The following ZNF628 variants were observed in gnomAD, a reference collection of about 807,000 sequenced individuals.
ZNF628 encodes the protein zinc finger protein Zec.
ZNF628 carries 3 observed loss-of-function variants against 2.5 expected under a neutral mutation model. The observed-to-expected ratio is 1.19, with a 90% CI of 0.54 to 3.07. The LOEUF is 3.07. Ranked by LOEUF, ZNF628 falls within the 30% of genes most tolerant of loss-of-function variation. ZNF628 has a pLI of 0.03. For synonymous variants in ZNF628, 861 were observed against 717.1 expected, an observed-to-expected ratio of 1.20 and a Z score of -3.21; for missense variants, 1,610 against 1,517.1, an observed-to-expected ratio of 1.06 and a Z score of -1.02.
chr19:55,477,369 T>C (rs1398194251), intron 1 of ZNF628, among the ~76,000 whole-genome samples: 1 of 152,010 alleles, frequency 6.6e-6, no homozygotes, highest in African/African-American at 2.4e-5. Context: ...TTTTTTTTTT[T>C]TTTTTTCTGG....
Position 55,484,070 on chromosome 19 carries a change from T to C in ZNF628, c.2877T>C (p.Pro959=), listed in dbSNP as rs778325218. The change falls in exon 3 of 3, where the codon CCT becomes CCC. Residue 959 remains proline (P), a synonymous_variant. Transcript: ENST00000598519. The part of the protein sequence containing the change: ...LCVQEVETLP[P]GLTEPPATGP... ...TACAGGAGGTAGAAACACTTCCTCC[T>C]GGGCTGACGGAGCCGCCTGCCACCG... 20 of 1,593,064 alleles carry C rather than the reference T, an allele frequency of 1.3e-5. No homozygotes were observed. Among genetic ancestry groups the C allele is most frequent in the African/African-American group, 2.7e-5 (2 of 74,370 alleles).
chr19:55,484,012 G>A lies in ZNF628; in HGVS notation c.2819G>A (p.Ser940Asn). 1 of 1,592,152 alleles carries A rather than the reference G, an allele frequency of 6.3e-7. No individual in the cohort carries two copies. The highest frequency in any genetic ancestry group is 8.6e-7 in the Non-Finnish European group (1 of 1,168,642). The change falls in exon 3 of 3, where the codon AGC becomes AAC. Residue 940 changes from serine (S) to asparagine (N), a missense_variant. Transcript: ENST00000598519. The part of the protein sequence containing the change: ...DEGLQSVLVL[S>N]GADGEQTRLC... ...GGCTTGCAGAGCGTGCTGGTGCTGA[G>A]CGGGGCCGATGGCGAACAGACTCGA...
At position 55,481,975 on chromosome 19, in the gene ZNF628, AGCCCCACAGCCCGCCCGCGCCTCCC is replaced by A; in HGVS notation, c.788_812del (p.His263ArgfsTer156). 6.9e-7 allele frequency: 1 copy of A among 1,452,134 alleles called. No individual in the cohort carries two copies. Among genetic ancestry groups the A allele is most frequent in the Non-Finnish European group, 9.0e-7 (1 of 1,109,924 alleles). The allele number at this position is 1,452,134 out of a possible 1,614,324, so 90.0% of individuals were successfully genotyped here. A position where few individuals can be genotyped will look rare whatever the true frequency, so the allele number is the denominator to read the frequency against. Reference sequence around the variant, plus strand: ...GACGCCTACCTGCAGCGGCACCTCCAGCCCCACAGCCCGCCCGCGCCTCCCGCCCCGCCGCCCCCGCCCCCGCCCG... The same window carrying A: ...GACGCCTACCTGCAGCGGCACCTCCAGCCCCGCCGCCCCCGCCCCCGCCCG... On this transcript the variant is annotated frameshift_variant, in exon 3 of 3. Coordinates refer to ENST00000598519, the MANE Select transcript of ZNF628 (RefSeq NM_033113.3). LOFTEE classifies it low-confidence loss of function (END_TRUNC).
chr19:55,480,683 AG>A (rs1166543532), intron 2 of ZNF628, among the ~76,000 whole-genome samples: 1 of 152,168 alleles, frequency 6.6e-6, no homozygotes, highest in African/African-American at 2.4e-5. Flanking sequence ...AGCCTCTCAA[AG>A]TGCTGGGATT....
At position 55,483,594 on chromosome 19, in the gene ZNF628, G is replaced by T; in HGVS notation, c.2401G>T (p.Val801Phe). 3.1e-6 allele frequency: 5 copies of T among 1,612,778 alleles called. No individual in the cohort carries two copies. The highest frequency in any genetic ancestry group is 3.4e-6 in the Non-Finnish European group (4 of 1,179,488). Residue 801 changes from valine (V) to phenylalanine (F), a missense_variant, in exon 3 of 3, where the codon GTT becomes TTT. Physicochemically the swap from Val to Phe is conservative, Grantham distance 50. Around this residue, in one of 5 missense-constraint regions of ZNF628, gnomAD observed 712 missense variants for 603.6 expected, o/e 1.18. Coordinates refer to ENST00000598519, the MANE Select transcript of ZNF628 (RefSeq NM_033113.3). ...CAGCGGGACAGGGCAGAGCCTCATC[G>T]TTCTGCAGAATGTGGGGGGTGGGGA... Reference protein sequence around the residue: ...GASGTGQSLIVLQNVGGGEAG... With the variant: ...GASGTGQSLIFLQNVGGGEAG...
At position 55,482,019 on chromosome 19, in the gene ZNF628, C is replaced by T; in HGVS notation, c.826C>T (p.Pro276Ser). 2 of 1,480,600 alleles carry T rather than the reference C, an allele frequency of 1.4e-6. No individual in the cohort carries two copies. Among genetic ancestry groups the T allele is most frequent in the African/African-American group, 1.5e-5 (1 of 67,956 alleles). The allele number at this position is 1,480,600 out of a possible 1,614,324, so 91.7% of individuals were successfully genotyped here. A position where few individuals can be genotyped will look rare whatever the true frequency, so the allele number is the denominator to read the frequency against. ...PAPPAPPPPP[P>S]PVVPELFLAA... ...GCCTCCCGCCCCGCCGCCCCCGCCC[C>T]CGCCCGTGGTGCCTGAGCTCTTTTT... is the stretch of plus-strand genomic sequence containing the variant. Residue 276 changes from proline to serine, a missense_variant, in exon 3 of 3, where the codon CCG becomes TCG. Pro to Ser is a moderately conservative substitution (Grantham distance 74, BLOSUM62 -1). Around this residue, in one of 5 missense-constraint regions of ZNF628, gnomAD observed 651 missense variants for 575.6 expected, o/e 1.13. Coordinates refer to ENST00000598519, the MANE Select transcript of ZNF628 (RefSeq NM_033113.3).
rs759154380 is a variant in ZNF628, at chr19:55,482,663, C to G, written c.1470C>G (p.Ala490=). Residue 490 remains alanine, a synonymous_variant, in exon 3 of 3, where the codon GCC becomes GCG. Transcript: ENST00000598519. The part of the protein sequence containing the change: ...RPYQCGECGK[A]FKRSSLLAIH... The stretch of plus-strand genomic sequence containing the variant: ...ACCAGTGTGGCGAGTGCGGCAAGGC[C>G]TTCAAGCGCTCCTCCCTGCTGGCCA... 10 of 1,612,242 alleles carry G rather than the reference C, an allele frequency of 6.2e-6. No homozygotes were observed. The highest frequency in any genetic ancestry group is 7.6e-6 in the Non-Finnish European group (9 of 1,179,482).
rs1986791493 is a variant in ZNF628 at position 55,483,171 on chromosome 19, C to T, written c.1978C>T (p.Pro660Ser). The change falls in exon 3 of 3, where the codon CCC becomes TCC. Residue 660 changes from proline to serine, a missense_variant. Pro to Ser is a moderately conservative substitution (Grantham distance 74). Coordinates refer to ENST00000598519, the MANE Select transcript of ZNF628 (RefSeq NM_033113.3). ...CAGCACCACAGCCCCTGCCGCCGGC[C>T]CCCAGCCCCCTGCTCCACTGGCTGC... ...PPSTTAPAAG[P>S]QPPAPLAAAR... 6.5e-7 allele frequency: 1 copy of T among 1,549,948 alleles called. No individual in the cohort carries two copies. Among genetic ancestry groups the T allele is most frequent in the East Asian group, 2.4e-5 (1 of 42,046 alleles).
Position 55,483,423 on chromosome 19 carries a change from C to G in ZNF628, c.2230C>G (p.Leu744Val). 6.6e-7 allele frequency: 1 copy of G among 1,519,632 alleles called. No homozygotes were observed. Among genetic ancestry groups the G allele is most frequent in the Non-Finnish European group, 8.8e-7 (1 of 1,135,830 alleles). 94.1% of individuals were successfully genotyped at this position (1,519,632 alleles called of 1,614,324 possible). Residue 744 changes from leucine to valine, a missense_variant, in exon 3 of 3, where the codon CTG (leucine) becomes GTG (valine). Around this residue, in one of 5 missense-constraint regions of ZNF628, gnomAD observed 712 missense variants for 603.6 expected, o/e 1.18. Coordinates refer to ENST00000598519, the MANE Select transcript of ZNF628 (RefSeq NM_033113.3). ...CCCTCCCGCACCTCCCAAGCTCATC[C>G]TGCTGCCCTCCTCCAGTGCTGGGGC... ...PPPPAPPKLI[L>V]LPSSSAGAGG...
At position 55,483,173 on chromosome 19, in the gene ZNF628, C is replaced by G; in HGVS notation, c.1980C>G (p.Pro660=). 1 of 1,549,682 alleles carries G rather than the reference C, an allele frequency of 6.5e-7. No homozygotes were observed. The highest frequency in any genetic ancestry group is 8.7e-7 in the Non-Finnish European group (1 of 1,155,092). ...PPSTTAPAAG[P]QPPAPLAAAR... ...GCACCACAGCCCCTGCCGCCGGCCC[C>G]CAGCCCCCTGCTCCACTGGCTGCTG... Residue 660 remains proline (P), a synonymous_variant, in exon 3 of 3, where the codon CCC becomes CCG. Transcript: ENST00000598519.
At position 55,482,577 on chromosome 19, in the gene ZNF628, T is replaced by G. The variant is rs147530525; in HGVS notation, c.1384T>G (p.Ser462Ala). The G allele has an allele frequency of 3.1e-6, 5 of 1,594,848 alleles. No individual in the cohort carries two copies. Among genetic ancestry groups the G allele is most frequent in the African/African-American group, 1.3e-5 (1 of 74,328 alleles). ...RPYKCAECGKSFKGSSGLRYH... is the reference protein window; with the variant it reads ...RPYKCAECGKAFKGSSGLRYH... The stretch of plus-strand genomic sequence containing the variant: ...CTACAAATGTGCCGAGTGCGGCAAG[T>G]CCTTCAAGGGCTCCTCCGGGCTGCG... Residue 462 changes from serine to alanine, a missense_variant, in exon 3 of 3, where the codon TCC becomes GCC. By Grantham distance (99) the Ser-to-Ala change is moderately conservative. Around this residue, in one of 5 missense-constraint regions of ZNF628, gnomAD observed 651 missense variants for 575.6 expected, o/e 1.13. Transcript: ENST00000598519.
chr19:55,484,416 AC>A lies in ZNF628; in HGVS notation c.*44del. 3 of 1,398,662 alleles carry A rather than the reference AC, an allele frequency of 2.1e-6. No individual in the cohort carries two copies. The highest frequency in any genetic ancestry group is 2.8e-6 in the Non-Finnish European group (3 of 1,068,386). 86.6% of individuals were successfully genotyped at this position (1,398,662 alleles called of 1,614,324 possible). The stretch of plus-strand genomic sequence containing the variant: ...CCTCCCGCCCCGCACAGAGACCCCG[AC>A]TCACTGCCAGCCGGGGCGGGGCAGG... On this transcript the variant is annotated 3_prime_UTR_variant, in exon 3 of 3. Transcript: ENST00000598519.
In ZNF628 at chr19:55,483,119, G is replaced by C; in HGVS notation, c.1926G>C (p.Arg642Ser). ...CCGCCTATCTGCAGCGGCACCTGAG[G>C]ACGCACGCCCCGGCCAACACGCCTC... Reference protein sequence around the residue: ...VMAAYLQRHLRTHAPANTPPS... With the variant: ...VMAAYLQRHLSTHAPANTPPS... Residue 642 changes from arginine (R) to serine (S), a missense_variant, in exon 3 of 3, where the codon AGG (arginine) becomes AGC (serine). Physicochemically the swap from Arg to Ser is moderately radical, Grantham distance 110. Coordinates refer to ENST00000598519, the MANE Select transcript of ZNF628 (RefSeq NM_033113.3). 4 of 1,597,646 alleles carry C rather than the reference G, an allele frequency of 2.5e-6. No homozygotes were observed. The highest frequency in any genetic ancestry group is 2.5e-6 in the Non-Finnish European group (3 of 1,176,992).
Position 55,483,493 on chromosome 19 carries a change from C to T in ZNF628, c.2300C>T (p.Ala767Val). 1.0e-5 allele frequency: 16 copies of T among 1,535,370 alleles called. No individual in the cohort carries two copies. The highest frequency in any genetic ancestry group is 1.3e-5 in the Non-Finnish European group (15 of 1,142,734). Residue 767 changes from alanine (A) to valine (V), a missense_variant, in exon 3 of 3, where the codon GCG (alanine) becomes GTG (valine). Physicochemically the swap from Ala to Val is moderately conservative, Grantham distance 64. Transcript: ENST00000598519. Reference protein sequence around the residue: ...ARQGPRAVGKAGQGAGVVWLP... With the variant: ...ARQGPRAVGKVGQGAGVVWLP... ...CAGGGCCCGCGGGCAGTGGGGAAAG[C>T]GGGCCAGGGGGCGGGAGTGGTCTGG...
rs925666316 is a variant in ZNF628, at chr19:55,482,550, C to T, written c.1357C>T (p.Pro453Ser). Residue 453 changes from proline (P) to serine (S), a missense_variant, in exon 3 of 3, where the codon CCC becomes TCC. Coordinates refer to ENST00000598519, the MANE Select transcript of ZNF628 (RefSeq NM_033113.3). ...PPSAPASAERPYKCAECGKSF... is the reference protein window; with the variant it reads ...PPSAPASAERSYKCAECGKSF... Reference sequence around the variant, plus strand: ...GTCCGCCCCCGCTTCTGCGGAGCGGCCCTACAAATGTGCCGAGTGCGGCAA... The same window carrying T: ...GTCCGCCCCCGCTTCTGCGGAGCGGTCCTACAAATGTGCCGAGTGCGGCAA... 2.7e-5 allele frequency: 42 copies of T among 1,546,334 alleles called. No individual in the cohort carries two copies. The highest frequency in any genetic ancestry group is 3.5e-5 in the Non-Finnish European group (40 of 1,146,146).
In ZNF628 at chr19:55,484,271, G is replaced by C; in HGVS notation, c.3078G>C (p.Val1026=). 6.5e-7 allele frequency: 1 copy of C among 1,546,424 alleles called. No homozygotes were observed. The highest frequency in any genetic ancestry group is 8.7e-7 in the Non-Finnish European group (1 of 1,144,970). ...CTCCAGCCTCCCAGATGGTGCAAGT[G>C]GTCCCCGCAGGAGCTGGGCCTGGTG... The part of the protein sequence containing the change: ...PGAPASQMVQ[V]VPAGAGPGVM... The change falls in exon 3 of 3, where the codon GTG becomes GTC. Residue 1026 remains valine (V), a synonymous_variant. Transcript: ENST00000598519.
chr19:55,482,771 G>A lies in ZNF628; in HGVS notation c.1578G>A (p.Gln526=), dbSNP rs1485381234. Residue 526 remains glutamine (Q), a synonymous_variant, in exon 3 of 3, where the codon CAG becomes CAA. Coordinates refer to ENST00000598519, the MANE Select transcript of ZNF628 (RefSeq NM_033113.3). ...CCTTCAAGTGGTCGTCCCACTACCA[G>A]TACCACCTGCGGCTGCACTCTGGCG... ...GLTFKWSSHY[Q]YHLRLHSGER... The A allele has an allele frequency of 3.7e-6, 6 of 1,610,860 alleles. No homozygotes were observed. The highest frequency in any genetic ancestry group is 4.2e-6 in the Non-Finnish European group (5 of 1,178,236).
chr19:55,483,193 C>A lies in ZNF628; in HGVS notation c.2000C>A (p.Ala667Asp). Residue 667 changes from alanine to aspartate, a missense_variant, in exon 3 of 3, where the codon GCT becomes GAT. Around this residue, in one of 5 missense-constraint regions of ZNF628, gnomAD observed 712 missense variants for 603.6 expected, o/e 1.18. Transcript: ENST00000598519. ...AAGPQPPAPL[A>D]AARAPPATQD... is the part of the protein sequence containing the mutation. ...GGCCCCCAGCCCCCTGCTCCACTGGCTGCTGCGCGGGCCCCGCCAGCCACC... is the reference window on the plus strand; with the variant it reads ...GGCCCCCAGCCCCCTGCTCCACTGGATGCTGCGCGGGCCCCGCCAGCCACC... The A allele has an allele frequency of 6.5e-7, 1 of 1,547,226 alleles. No individual in the cohort carries two copies. Among genetic ancestry groups the A allele is most frequent in the Non-Finnish European group, 8.7e-7 (1 of 1,153,642 alleles).
chr19:55,483,241 A>C lies in ZNF628; in HGVS notation c.2048A>C (p.His683Pro), dbSNP rs755232674. The C allele has an allele frequency of 8.5e-6, 13 of 1,534,804 alleles. No individual in the cohort carries two copies. The East Asian group carries it at 2.4e-4, about 29-fold the overall frequency. Reference protein sequence around the residue: ...PATQDVHVLPHLQATLSLEVA... With the variant: ...PATQDVHVLPPLQATLSLEVA... Reference sequence around the variant, plus strand: ...ACCCAAGATGTCCACGTCCTGCCCCACCTCCAGGCCACGCTCTCCCTCGAG... The same window carrying C: ...ACCCAAGATGTCCACGTCCTGCCCCCCCTCCAGGCCACGCTCTCCCTCGAG... The change falls in exon 3 of 3, where the codon CAC becomes CCC. Residue 683 changes from histidine to proline, a missense_variant. This residue lies in a region of ZNF628 where 712 missense variants were observed against 603.6 expected (regional missense o/e 1.18). Coordinates refer to ENST00000598519, the MANE Select transcript of ZNF628 (RefSeq NM_033113.3).
Sources: allele counts gnomAD v4.1 joint callset (sites outside exome capture counted in the v4.1 genomes callset), GRCh38; gene constraint gnomAD v4.1.1; regional missense constraint gnomAD v4.1.1; transcripts MANE v1.5; gene names NCBI Gene and HGNC (gene_info 2026-07-23, HGNC 2026-07-21).